Variants in TRAPPC10 observed in about 807,000 individuals in gnomAD.
TRAPPC10 encodes the protein trafficking protein particle complex subunit 10.
TRAPPC10 carries 23 observed loss-of-function variants against 125.5 expected under a neutral mutation model. The ratio of observed to expected loss-of-function variants is 0.18; its 90% CI spans 0.13 to 0.26. The LOEUF is 0.26. Ranked by LOEUF, TRAPPC10 falls within the 10% of genes least tolerant of loss-of-function variation. The pLI is 1.00. For synonymous variants in TRAPPC10, 509 were observed against 518.0 expected (o/e 0.98, Z 0.24); for missense variants, 1,123 against 1,308.4 (o/e 0.86, Z 2.19).
chr21:44,042,000 C>T (rs910576549), intron 3 of TRAPPC10, among the ~76,000 whole-genome samples: 12 of 152,178 alleles, frequency 7.9e-5, no homozygotes, highest in Admixed American at 3.3e-4. Context: ...GCATGAACCA[C>T]GGCGCCCAGC....
At position 44,083,113 on chromosome 21, in the gene TRAPPC10, C is replaced by T. The variant is rs934840663; in HGVS notation, c.2049C>T (p.Ser683=). Residue 683 remains serine (S), a synonymous_variant, in exon 14 of 23, where the codon AGC becomes AGT. Coordinates refer to ENST00000291574, the MANE Select transcript of TRAPPC10 (RefSeq NM_003274.5). ...AGTTGTATGAAATGTTTGAGAGAAG[C>T]CCATCTGATAACTCCTTGAACACGA... ...ALELYEMFER[S]PSDNSLNTTG... is the part of the protein sequence containing the mutation. 1 of 1,614,122 alleles carries T rather than the reference C, an allele frequency of 6.2e-7. No homozygotes were observed. Among genetic ancestry groups the T allele is most frequent in the Non-Finnish European group, 8.5e-7 (1 of 1,180,038 alleles).
chr21:44,062,200 C>A (rs531349462), intron 6 of TRAPPC10, among the ~76,000 whole-genome samples: 120 of 152,218 alleles, frequency 7.9e-4, no homozygotes, highest in Admixed American at 1.6e-3. Context: ...AAGCCTGGAC[C>A]AAATTTTGCC....
chr21:44,084,859 A>T (rs1601804008), intron 15 of TRAPPC10, among the ~76,000 whole-genome samples: 1 of 152,218 alleles, frequency 6.6e-6, no homozygotes. Context: ...GAACTCAGGG[A>T]AACAGGTTGA....
At chr21:44,093,956 T>C (rs1190081889) in intron 19 of TRAPPC10, 107 bp from the exon 20 acceptor site, 7 of 1,190,862 alleles carry the variant, frequency 5.9e-6, no homozygotes, top group Non-Finnish European at 8.3e-6. Flanking sequence ...GGCCTGCCCA[T>C]GGTGTCTGCT....
At chr21:44,017,646 TGCA>T (rs1601541806) in intron 1 of TRAPPC10, among the ~76,000 whole-genome samples, 4 of 152,112 alleles carry the variant, frequency 2.6e-5, no homozygotes. Context: ...TCTTCCTAAT[TGCA>T]GCAGTGTGCT....
chr21:44,095,483 C>A (rs2038871839), intron 20 of TRAPPC10, among the ~76,000 whole-genome samples: 1 of 151,992 alleles, frequency 6.6e-6, no homozygotes, highest in Non-Finnish European at 1.5e-5. Context: ...GGTGATCCAC[C>A]TACCTTGGCC....
rs749724163 is a variant in TRAPPC10 at position 44,052,309 on chromosome 21, A to G, written c.315A>G (p.Lys105=). Residue 105 remains lysine (K), a synonymous_variant, in exon 4 of 23, where the codon AAA becomes AAG. Transcript: ENST00000291574. ...CDTEVYKATV[K]DDLTKWQNVL... ...CCGAAGTGTATAAAGCTACAGTAAA[A>G]GATGACCTCACCAAGTGGCAGAATG... 6.2e-7 allele frequency: 1 copy of G among 1,604,492 alleles called. No homozygotes were observed. Among genetic ancestry groups the G allele is most frequent in the South Asian group, 1.1e-5 (1 of 88,620 alleles).
Position 44,033,922 on chromosome 21 carries a change from C to T in TRAPPC10, c.149+1750C>T, listed in dbSNP as rs116998382. 3.9e-5 allele frequency among the ~76,000 whole-genome samples: 6 copies of T among 151,998 alleles called. No individual in the cohort carries two copies. In the East Asian group the frequency reaches 1.2e-3, roughly 29 times the overall value. On this transcript the variant is annotated intron_variant, in intron 2 of 22. Coordinates refer to ENST00000291574, the MANE Select transcript of TRAPPC10 (RefSeq NM_003274.5). ...ATTTGTATTCATCTCTTCCCCTTTC[C>T]GAAACTCCAGTAAATGGACTACATA...
intron 18 of TRAPPC10, among the ~76,000 whole-genome samples, chr21:44,090,320 G>C (rs778115085): frequency 5.3e-5 from 8 of 152,176 alleles, no homozygotes; most frequent in Non-Finnish European, 1.2e-4. Flanking sequence ...TCCTGTCCCT[G>C]TATTTCTTGT....
chr21:44,046,524 G>GTTT (rs1569163823), intron 3 of TRAPPC10: 35 of 146,464 alleles, frequency 2.4e-4, no homozygotes, highest in African/African-American at 7.0e-4. Flanking sequence ...TTTTTTTTTG[G>GTTT]GGGGAGGATT....
rs1318409577 is a variant in TRAPPC10, at chr21:44,052,345, T to C, written c.351T>C (p.Ala117=). 6.2e-7 allele frequency: 1 copy of C among 1,613,194 alleles called. No individual in the cohort carries two copies. Among genetic ancestry groups the C allele is most frequent in the Non-Finnish European group, 8.5e-7 (1 of 1,179,844 alleles). Reference sequence around the variant, plus strand: ...CCAAGTGGCAGAATGTTCTGAAGGCTCATAGCTCTGTGGACTGGTTAATAG... The same window carrying C: ...CCAAGTGGCAGAATGTTCTGAAGGCCCATAGCTCTGTGGACTGGTTAATAG... The part of the protein sequence containing the change: ...DLTKWQNVLK[A]HSSVDWLIVI... The change falls in exon 4 of 23, where the codon GCT becomes GCC. Residue 117 remains alanine, a synonymous_variant. Transcript: ENST00000291574.
chr21:44,032,379 C>CTTTTTTTT (rs1200011844), intron 2 of TRAPPC10, among the ~76,000 whole-genome samples: 2 of 108,472 alleles, frequency 1.8e-5, no homozygotes, highest in South Asian at 3.2e-4. Context: ...CCATGGTTTT[C>CTTTTTTTT]TTTTTTTTTT....
chr21:44,047,566 G>A (rs1054842863), intron 3 of TRAPPC10, among the ~76,000 whole-genome samples: 2 of 135,594 alleles, frequency 1.5e-5, no homozygotes, highest in Non-Finnish European at 3.0e-5. Context: ...GTGTGTGTGT[G>A]CGCGCACACG....
chr21:44,050,589 G>GTTGGGGCC (rs1737277781), intron 3 of TRAPPC10, among the ~76,000 whole-genome samples: 2 of 152,190 alleles, frequency 1.3e-5, no homozygotes, highest in Admixed American at 6.5e-5. Flanking sequence ...GGCATGGCGT[G>GTTGGGGCC]TTGGGGCTTC....
rs998910072 is a variant in TRAPPC10, at chr21:44,082,169, T to A, written c.1724-619T>A. On this transcript the variant is annotated intron_variant, in intron 13 of 22. Coordinates refer to ENST00000291574, the MANE Select transcript of TRAPPC10 (RefSeq NM_003274.5). The surrounding 1 kb of genome is among the most constrained non-coding windows in gnomAD (Gnocchi z 4.4). ...ATTTAATAAATACTTAACTGGTCAC[T>A]TCTGCAGCCTTGTGTATTTTCTAGA... is the stretch of plus-strand genomic sequence containing the variant. Among the ~76,000 whole-genome samples the A allele has an allele frequency of 1.3e-5, 2 of 152,244 alleles. No homozygotes were observed. Among genetic ancestry groups the A allele is most frequent in the Non-Finnish European group, 2.9e-5 (2 of 68,038 alleles).
chr21:44,091,742 AG>A (rs2038595282), intron 18 of TRAPPC10, 180 bp from the exon 19 acceptor site: 1 of 581,340 alleles, frequency 1.7e-6, no homozygotes, highest in East Asian at 3.6e-5. Context: ...CCGGCCAAAA[AG>A]GTTTATTTTC....
At chr21:44,076,425 T>G in intron 9 of TRAPPC10, 127 bp from the exon 10 acceptor site, 4 of 670,378 alleles carry the variant, frequency 6.0e-6, no homozygotes, top group Non-Finnish European at 7.9e-6. Context: ...TCCGTTGGCA[T>G]TGGCCGGTTT....
At chr21:44,022,601 A>G (rs2032644468) in intron 1 of TRAPPC10, among the ~76,000 whole-genome samples, 2 of 151,792 alleles carry the variant, frequency 1.3e-5, no homozygotes, top group South Asian at 4.2e-4. Context: ...TGTGTGAGCC[A>G]CCATGCCTGG....
At chr21:44,052,154 A>T in intron 3 of TRAPPC10, 126 bp from the exon 4 acceptor site, 1 of 800,810 alleles carries the variant, frequency 1.2e-6, no homozygotes, top group Non-Finnish European at 1.9e-6. Flanking sequence ...TATTCAATTT[A>T]AGTCCCGAGC....
Sources: gnomAD v4.1 joint callset for allele counts (sites outside exome capture counted in the v4.1 genomes callset) on GRCh38, gnomAD v4.1.1 for gene constraint, Gnocchi (gnomAD v3.1) non-coding constraint, MANE v1.5 for transcripts, NCBI Gene and HGNC (gene_info 2026-07-23, HGNC 2026-07-21) for gene names.